Variants in DDX10 observed in about 807,000 individuals in gnomAD.
The protein encoded by DDX10 is DEAD-box helicase 10.
A neutral mutation model predicts 104.3 loss-of-function variants in DDX10; 74 were observed. That is an observed-to-expected ratio of 0.71 (90% CI 0.59 to 0.86). DDX10 has a LOEUF of 0.86. Ranked by LOEUF, DDX10 falls within the 40% of genes least tolerant of loss-of-function variation. DDX10 has a pLI of 0.00. For synonymous variants in DDX10, 351 were observed against 353.4 expected (o/e 0.99, Z 0.08); for missense variants, 952 against 1,040.0 (o/e 0.92, Z 1.16).
chr11:108,803,934 C>T (rs1862060952), intron 13 of DDX10, among the ~76,000 whole-genome samples: 1 of 152,140 alleles, frequency 6.6e-6, no homozygotes, highest in Admixed American at 6.5e-5. Context: ...TTGACATTTC[C>T]TCACTTTTGG....
intron 16 of DDX10, among the ~76,000 whole-genome samples, chr11:108,877,681 A>G (rs891118483): frequency 6.6e-6 from 1 of 152,174 alleles, no homozygotes; most frequent in African/African-American, 2.4e-5. Flanking sequence ...TATATTTCCT[A>G]ATCTAAACTT....
chr11:108,681,006 A>G (rs12800516), intron 6 of DDX10, among the ~76,000 whole-genome samples: 19,287 of 152,228 alleles, frequency 0.13, 1,451 homozygotes, highest in East Asian at 0.25. Context: ...TGAGATAGCT[A>G]TGAAAATTTT....
intron 16 of DDX10, among the ~76,000 whole-genome samples, chr11:108,894,079 G>A (rs1339929493): frequency 6.6e-6 from 1 of 152,012 alleles, no homozygotes; most frequent in African/African-American, 2.4e-5. Context: ...GGTTTTCACT[G>A]CACAAATGAA....
rs116214511 is a variant in DDX10, at chr11:108,915,798, C to G, written c.2305-2075C>G. Among the ~76,000 whole-genome samples the G allele has an allele frequency of 1.1e-3, 170 of 152,182 alleles. 2 individuals are homozygous for G. Among genetic ancestry groups the G allele is most frequent in the African/African-American group, 4.0e-3 (165 of 41,550 alleles). Reference sequence around the variant, plus strand: ...GCAGTTTTCTGAAAAGGTTCTATTACTCTTCCCTTTCCCAAATACCTATCT... The same window carrying G: ...GCAGTTTTCTGAAAAGGTTCTATTAGTCTTCCCTTTCCCAAATACCTATCT... On this transcript the variant is annotated intron_variant, in intron 16 of 17. Coordinates refer to ENST00000322536, the MANE Select transcript of DDX10 (RefSeq NM_004398.4).
intron 13 of DDX10, among the ~76,000 whole-genome samples, chr11:108,799,425 G>C (rs1025679677): frequency 6.6e-6 from 1 of 152,072 alleles, no homozygotes; most frequent in Non-Finnish European, 1.5e-5. Context: ...TTGTTTCTTT[G>C]TATCGAGTGG....
chr11:108,914,279 C>T (rs1220034236), intron 16 of DDX10, among the ~76,000 whole-genome samples: 2 of 152,104 alleles, frequency 1.3e-5, no homozygotes, highest in Non-Finnish European at 2.9e-5. Flanking sequence ...TAAATTGTGG[C>T]ATTATATATT....
chr11:108,914,767 C>T (rs2134661446), intron 16 of DDX10, among the ~76,000 whole-genome samples: 1 of 144,686 alleles, frequency 6.9e-6, no homozygotes, highest in Non-Finnish European at 1.5e-5. Context: ...TAATTATATT[C>T]AAAGAATTAA....
intron 13 of DDX10, among the ~76,000 whole-genome samples, chr11:108,812,388 G>A (rs1001946733): frequency 4.0e-5 from 6 of 151,790 alleles, no homozygotes; most frequent in Non-Finnish European, 7.4e-5. Flanking sequence ...GACTTTTTTC[G>A]TTCTGAATTT....
chr11:108,885,678 T>C (rs1863287542), intron 16 of DDX10, among the ~76,000 whole-genome samples: 1 of 152,080 alleles, frequency 6.6e-6, no homozygotes, highest in Non-Finnish European at 1.5e-5. Context: ...TCCGGCCCAT[T>C]TTCACAATTT....
chr11:108,866,560 T>C (rs1863010160), intron 16 of DDX10, among the ~76,000 whole-genome samples: 1 of 152,078 alleles, frequency 6.6e-6, no homozygotes, highest in Non-Finnish European at 1.5e-5. Context: ...CATGGAGATA[T>C]TAGGAGAGAT....
In DDX10 at chr11:108,923,775, C is replaced by T. The variant is rs111704876; in HGVS notation, c.2450+5757C>T. Among the ~76,000 whole-genome samples, 975 of 152,154 alleles carry T rather than the reference C, an allele frequency of 6.4e-3. 3 individuals carry two copies. The highest frequency in any genetic ancestry group is 0.01 in the Middle Eastern group (3 of 292). On this transcript the variant is annotated intron_variant, in intron 17 of 17. Transcript: ENST00000322536. ...CATGGAGACCACATAAGTGATGGGT[C>T]CAATCTAGGCCTGGTGGGTCAGAAA...
At chr11:108,685,902 C>G (rs2094243333) in intron 6 of DDX10, among the ~76,000 whole-genome samples, 1 of 152,054 alleles carries the variant, frequency 6.6e-6, no homozygotes, top group Non-Finnish European at 1.5e-5. Flanking sequence ...CTCTTTTTCT[C>G]CTTAGACATC....
chr11:108,812,768 A>G (rs1862201316), intron 13 of DDX10, among the ~76,000 whole-genome samples: 1 of 151,998 alleles, frequency 6.6e-6, no homozygotes, highest in Non-Finnish European at 1.5e-5. Flanking sequence ...GATCACGTGA[A>G]GTCCAGAGTT....
At chr11:108,931,149 G>T (rs1192548670) in intron 17 of DDX10, among the ~76,000 whole-genome samples, 1 of 152,142 alleles carries the variant, frequency 6.6e-6, no homozygotes, top group Non-Finnish European at 1.5e-5. Flanking sequence ...ATCTCAGGGG[G>T]TCGGGGGACA....
chr11:108,678,444 A>G lies in DDX10; in HGVS notation c.658+9A>G, dbSNP rs2094229279. 1 of 1,567,598 alleles carries G rather than the reference A, an allele frequency of 6.4e-7. No homozygotes were observed. Among genetic ancestry groups the G allele is most frequent in the South Asian group, 1.2e-5 (1 of 80,802 alleles). On this transcript the variant is annotated intron_variant, in intron 5 of 17. Transcript: ENST00000322536. ...CGACCTCCAAATGTTAGGTGAGTCA[A>G]ATCAATTTCTAATTTAAAAAAAAAA...
chr11:108,881,018 C>A (rs188626892), intron 16 of DDX10, among the ~76,000 whole-genome samples: 3 of 152,236 alleles, frequency 2.0e-5, no homozygotes, highest in Admixed American at 6.5e-5. Context: ...TTTTTGCTTT[C>A]TCTGAACCAA....
intron 13 of DDX10, among the ~76,000 whole-genome samples, chr11:108,822,110 T>TGTTA (rs994052657): frequency 2.8e-4 from 43 of 152,354 alleles, no homozygotes; most frequent in Admixed American, 2.4e-3. Context: ...GAGTAAACAG[T>TGTTA]GTTAGCATTT....
intron 13 of DDX10, among the ~76,000 whole-genome samples, chr11:108,748,273 C>T (rs114034694): frequency 0.012 from 1,789 of 152,196 alleles, 39 homozygotes; most frequent in African/African-American, 0.041. Flanking sequence ...AGAGAATGAG[C>T]GGAGACTTCT....
intron 16 of DDX10, among the ~76,000 whole-genome samples, chr11:108,863,269 TAAATC>T (rs1376470277): frequency 1.3e-5 from 2 of 152,158 alleles, no homozygotes; most frequent in African/African-American, 4.8e-5. Context: ...CTTGAGGAAA[TAAATC>T]TTTTATGATT....
Sources: allele counts gnomAD v4.1 joint callset (sites outside exome capture counted in the v4.1 genomes callset), GRCh38; gene constraint gnomAD v4.1.1; transcripts MANE v1.5; gene names NCBI Gene and HGNC (gene_info 2026-07-23, HGNC 2026-07-21).